The following PCDH9 variants were observed in gnomAD, a reference collection of about 807,000 sequenced individuals.
PCDH9 encodes protocadherin 9.
A neutral mutation model predicts 70.6 loss-of-function variants in PCDH9; 24 were observed. That is an observed-to-expected ratio of 0.34 (90% confidence interval 0.25 to 0.48). The LOEUF is 0.48. PCDH9 is among the 20% of genes least tolerant of loss of function. The probability of loss-of-function intolerance (pLI) is 0.99; values close to 1 mark genes in which losing one functional copy is unlikely to be tolerated. For missense variants in PCDH9, 1,281 were observed against 1,503.6 expected (o/e 0.85, Z 2.45); for synonymous variants, 562 against 558.5 (o/e 1.01, Z -0.09).
At chr13:66,783,464 G>A (rs538802143) in intron 3 of PCDH9, among the ~76,000 whole-genome samples, 1 of 152,052 alleles carries the variant, frequency 6.6e-6, no homozygotes, top group African/African-American at 2.4e-5. Context: ...CCCCTTAAAG[G>A]TGGTATGTGA....
chr13:67,031,175 A>C (rs796417815), intron 2 of PCDH9, among the ~76,000 whole-genome samples: 2 of 152,322 alleles, frequency 1.3e-5, no homozygotes, highest in African/African-American at 4.8e-5. Context: ...AGCGGGTGTT[A>C]AGTAAAGAAC....
chr13:67,208,768 T>C (rs1432119835), intron 2 of PCDH9: 1 of 152,066 alleles, frequency 6.6e-6, no homozygotes, highest in African/African-American at 2.4e-5. Context: ...AGAACATACA[T>C]CTTTGATACG....
intron 2 of PCDH9, among the ~76,000 whole-genome samples, chr13:66,989,136 G>C (rs2083951296): frequency 6.6e-6 from 1 of 151,806 alleles, no homozygotes; most frequent in South Asian, 2.1e-4. Context: ...TCCCAACCAT[G>C]GTGAATAAGT....
At chr13:66,684,425 C>T (rs73198541) in intron 3 of PCDH9, among the ~76,000 whole-genome samples, 46,186 of 152,100 alleles carry the variant, frequency 0.3, 8,162 homozygotes, top group South Asian at 0.42. Context: ...TTGTAGTTCC[C>T]ATAATCCCCA....
chr13:66,342,649 GTCTC>G (rs1262230046), intron 4 of PCDH9, among the ~76,000 whole-genome samples: 1 of 151,960 alleles, frequency 6.6e-6, no homozygotes, highest in African/African-American at 2.4e-5. Flanking sequence ...TTGAGACGGA[GTCTC>G]TCTCTGTCAC....
At chr13:67,213,236 A>G (rs1247565929) in intron 2 of PCDH9, 1 of 104,284 alleles carries the variant, frequency 9.6e-6, no homozygotes, top group East Asian at 3.1e-4. Flanking sequence ...AAAAAAAAAA[A>G]AAGAAAAAAA....
intron 2 of PCDH9, among the ~76,000 whole-genome samples, chr13:66,992,525 T>C (rs1038113348): frequency 2.0e-5 from 3 of 152,216 alleles, no homozygotes; most frequent in African/African-American, 7.2e-5. Flanking sequence ...TTCTTTAATA[T>C]ATGTCAGCAC....
intron 4 of PCDH9, among the ~76,000 whole-genome samples, chr13:66,326,897 A>G (rs1955858938): frequency 6.6e-6 from 1 of 152,210 alleles, no homozygotes; most frequent in Non-Finnish European, 1.5e-5. Flanking sequence ...CTTAAGCACA[A>G]TGGCTTAGTT....
intron 2 of PCDH9, among the ~76,000 whole-genome samples, chr13:67,106,947 G>A (rs745554841): frequency 5.9e-5 from 9 of 152,190 alleles, no homozygotes; most frequent in South Asian, 2.1e-4. Flanking sequence ...TTTGGGTGCC[G>A]AGGAGCAAGG....
At chr13:67,120,774 T>G (rs2086861033) in intron 2 of PCDH9, among the ~76,000 whole-genome samples, 1 of 152,158 alleles carries the variant, frequency 6.6e-6, no homozygotes, top group Non-Finnish European at 1.5e-5. Context: ...TGATAATTTA[T>G]TTGATACACT....
intron 3 of PCDH9, among the ~76,000 whole-genome samples, chr13:66,862,646 C>A (rs2081504021): frequency 6.6e-6 from 1 of 152,094 alleles, no homozygotes; most frequent in Non-Finnish European, 1.5e-5. Context: ...TTTATTAACT[C>A]TTTTTAAACT....
At chr13:66,561,834 C>G (rs1962054649) in intron 4 of PCDH9, among the ~76,000 whole-genome samples, 1 of 152,068 alleles carries the variant, frequency 6.6e-6, no homozygotes, top group Non-Finnish European at 1.5e-5. Context: ...AGAATAAAAG[C>G]AGGCTGCCCG....
In PCDH9 at chr13:66,490,358, G is replaced by A. The variant is rs1476883768; in HGVS notation, c.3340+140852C>T. Among the ~76,000 whole-genome samples the A allele has an allele frequency of 2.6e-5, 4 of 152,136 alleles. No homozygotes were observed. The East Asian group carries it at 7.7e-4, about 29-fold the overall frequency. On this transcript the variant is annotated intron_variant, in intron 4 of 4. Coordinates refer to ENST00000377865, the MANE Select transcript of PCDH9 (RefSeq NM_203487.3). ...GTAGATTTCCTAAGACCTGAACACT[G>A]TTATACCGGTCGGCTTCATGTGGTG...
intron 3 of PCDH9, among the ~76,000 whole-genome samples, chr13:66,796,888 AAAG>A (rs2080250481): frequency 6.6e-6 from 1 of 152,140 alleles, no homozygotes; most frequent in Non-Finnish European, 1.5e-5. Context: ...AGATTATAAA[AAAG>A]AAGTAAATTT....
chr13:66,516,535 G>A (rs1959743229), intron 4 of PCDH9, among the ~76,000 whole-genome samples: 1 of 152,076 alleles, frequency 6.6e-6, no homozygotes, highest in Non-Finnish European at 1.5e-5. Context: ...GGATGAACGG[G>A]GAATAATAAG....
chr13:66,905,535 T>C (rs2139603685), intron 2 of PCDH9, among the ~76,000 whole-genome samples: 1 of 152,238 alleles, frequency 6.6e-6, no homozygotes, highest in South Asian at 2.1e-4. Flanking sequence ...AATCCTTGGG[T>C]TAAGGTTAAA....
chr13:66,744,336 TG>T (rs1469150485), intron 3 of PCDH9, among the ~76,000 whole-genome samples: 2 of 152,164 alleles, frequency 1.3e-5, no homozygotes, highest in Middle Eastern at 3.2e-3. Context: ...TCTCTATACA[TG>T]GATCGCATGC....
chr13:67,066,427 T>C (rs867303723), intron 2 of PCDH9, among the ~76,000 whole-genome samples: 6 of 151,652 alleles, frequency 4.0e-5, no homozygotes, highest in African/African-American at 1.5e-4. Flanking sequence ...AGAGACGGGG[T>C]TTCACCACGT....
intron 4 of PCDH9, among the ~76,000 whole-genome samples, chr13:66,309,907 TA>T (rs1955533259): frequency 6.6e-6 from 1 of 151,902 alleles, no homozygotes; most frequent in African/African-American, 2.4e-5. Flanking sequence ...TGCTACATCA[TA>T]AAATATATGT....
Sources: allele counts gnomAD v4.1 joint callset (sites outside exome capture counted in the v4.1 genomes callset), GRCh38; gene constraint gnomAD v4.1.1; transcripts MANE v1.5; gene names NCBI Gene and HGNC (gene_info 2026-07-23, HGNC 2026-07-21).